LSG1: variants seen among roughly 807,000 people sequenced by gnomAD.
LSG1 encodes large 60S subunit nuclear export GTPase 1.
A neutral mutation model predicts 82.6 loss-of-function variants in LSG1; 55 were observed. The ratio of observed to expected loss-of-function variants is 0.67; its 90% confidence interval spans 0.54 to 0.83. The LOEUF is 0.83. LSG1 is among the 40% of genes least tolerant of loss of function. LSG1 has a pLI of 0.00. For synonymous variants in LSG1, 272 were observed against 282.5 expected (o/e 0.96, Z 0.37); for missense variants, 809 against 807.9 (o/e 1.00, Z -0.02).
chr3:194,657,062 T>C (rs565011398), intron 7 of LSG1, among the ~76,000 whole-genome samples: 33 of 151,894 alleles, frequency 2.2e-4, no homozygotes, highest in Non-Finnish European at 4.3e-4. Context: ...GACAAGTTAA[T>C]GGGTGCAGCA....
chr3:194,659,548 A>G (rs1248644112), intron 6 of LSG1, among the ~76,000 whole-genome samples: 1 of 152,258 alleles, frequency 6.6e-6, no homozygotes, highest in East Asian at 1.9e-4. Context: ...AAAAAGAAAT[A>G]TGAATACCTC....
intron 5 of LSG1, 51 bp from the exon 6 acceptor site, chr3:194,660,184 T>C (rs371949755): frequency 1.8e-5 from 26 of 1,421,382 alleles, no homozygotes; most frequent in Middle Eastern, 1.8e-4. Context: ...AAAGGGATTT[T>C]ACTAACCACA....
chr3:194,645,507 CACACACACACACACACACACACAGACAG>C (rs1577250662), intron 12 of LSG1: 28 of 45,450 alleles, frequency 6.2e-4, no homozygotes, highest in South Asian at 1.6e-3. Context: ...CACACACACA[CACACACACACACACACACACACAGACAG>C]ACACACACAC....
chr3:194,652,192 G>C lies in LSG1; in HGVS notation c.1173+537C>G, dbSNP rs533762114. ...TCTAGAGCCATGTCGTAGCCCCTCG[G>C]GGTTTGCGCACTTCCGCAGCCACTT... On this transcript the variant is annotated intron_variant, in intron 8 of 13. Transcript: ENST00000265245. 7.9e-5 allele frequency among the ~76,000 whole-genome samples: 12 copies of C among 152,276 alleles called. No individual in the cohort carries two copies. The South Asian group carries it at 1.7e-3, about 21-fold the overall frequency.
At chr3:194,653,452 G>A (rs1411195737) in intron 7 of LSG1, among the ~76,000 whole-genome samples, 1 of 151,656 alleles carries the variant, frequency 6.6e-6, no homozygotes, top group African/African-American at 2.4e-5. Context: ...GAGGCGGAGG[G>A]TGCAGTGAGC....
rs143444021 is a variant in LSG1, at chr3:194,659,040, C to T, written c.676G>A (p.Ala226Thr). The change falls in exon 7 of 14, where the codon GCC becomes ACC. Residue 226 changes from alanine (A) to threonine (T), a missense_variant. Coordinates refer to ENST00000265245, the MANE Select transcript of LSG1 (RefSeq NM_018385.3). ...ACATCTTCTTTTTCGAAGTACATGG[C>T]CCAGGCACTCCGCTGCTCAGCAGTC... ...LLTAEQRSAW[A>T]MYFEKEDVKV... The T allele has an allele frequency of 1.8e-4, 291 of 1,614,186 alleles. No individual in the cohort carries two copies. The African/African-American group carries it at 3.7e-3, about 20-fold the overall frequency.
chr3:194,667,099 C>A (rs1236526517), intron 2 of LSG1, among the ~76,000 whole-genome samples: 1 of 151,916 alleles, frequency 6.6e-6, no homozygotes, highest in Non-Finnish European at 1.5e-5. Context: ...GAGTCTCACT[C>A]TGTCACCCAG....
rs1422670798 is a variant in LSG1 at position 194,645,561 on chromosome 3, C to G, written c.1623+603G>C. On this transcript the variant is annotated intron_variant, in intron 12 of 13. Coordinates refer to ENST00000265245, the MANE Select transcript of LSG1 (RefSeq NM_018385.3). ...ACACACACACACACACACACACACA[C>G]ACACACACAGACAGACACACACACA... 4.9e-4 allele frequency among the ~76,000 whole-genome samples: 30 copies of G among 61,458 alleles called. 1 individual carries two copies. Among genetic ancestry groups the G allele is most frequent in the African/African-American group, 1.4e-3 (24 of 16,986 alleles). The allele number at this position is 61,458 out of a possible 152,430, so 40.3% of individuals were successfully genotyped here.
At chr3:194,649,136 G>A (rs997386339) in intron 10 of LSG1, 1 of 248,326 alleles carries the variant, frequency 4.0e-6, no homozygotes, top group African/African-American at 2.3e-5. Context: ...GGGAGTCTCT[G>A]TTTCTAATGC....
chr3:194,647,295 A>G (rs1718574888), intron 11 of LSG1, among the ~76,000 whole-genome samples: 3 of 152,226 alleles, frequency 2.0e-5, no homozygotes. Flanking sequence ...TTGGGGCCAA[A>G]GAAACCATAA....
At chr3:194,669,840 G>A (rs149217869) in intron 2 of LSG1, among the ~76,000 whole-genome samples, 169 bp downstream of exon 2, 60 of 152,262 alleles carry the variant, frequency 3.9e-4, no homozygotes, top group African/African-American at 1.2e-3. Context: ...GCTGAGGCAG[G>A]TGAATTGCTT....
intron 1 of LSG1, chr3:194,671,782 G>C: frequency 2.1e-6 from 1 of 480,844 alleles, no homozygotes; most frequent in South Asian, 2.7e-5. Context: ...GTGGCTTCTA[G>C]GGCAAAACCC....
chr3:194,655,158 T>G (rs1160283266), intron 7 of LSG1, among the ~76,000 whole-genome samples: 1 of 152,194 alleles, frequency 6.6e-6, no homozygotes, highest in Non-Finnish European at 1.5e-5. Flanking sequence ...ATATCTTCCA[T>G]AAACTATACA....
Position 194,670,029 on chromosome 3 carries a change from G to GC in LSG1, c.205dup (p.Ala69GlyfsTer8). 2.5e-6 allele frequency: 4 copies of GC among 1,613,978 alleles called. No individual in the cohort carries two copies. The highest frequency in any genetic ancestry group is 3.4e-6 in the Non-Finnish European group (4 of 1,179,920). Reference sequence around the variant, plus strand: ...CTTACCAGCTACAAACTCTGTTCCTGCAAGTTCTGCAGTAGCAAGGAAGTC... The same window carrying GC: ...CTTACCAGCTACAAACTCTGTTCCTGCCAAGTTCTGCAGTAGCAAGGAAGTC... On this transcript the variant is annotated frameshift_variant, in exon 2 of 14. Coordinates refer to ENST00000265245, the MANE Select transcript of LSG1 (RefSeq NM_018385.3). LOFTEE classifies it high-confidence loss of function.
At chr3:194,655,572 T>C (rs1469550527) in intron 7 of LSG1, among the ~76,000 whole-genome samples, 1 of 152,206 alleles carries the variant, frequency 6.6e-6, no homozygotes, top group Admixed American at 6.5e-5. Context: ...TAGTGGTGTC[T>C]GGTAAAGAAT....
At chr3:194,653,456 A>T (rs1718723436) in intron 7 of LSG1, among the ~76,000 whole-genome samples, 1 of 151,698 alleles carries the variant, frequency 6.6e-6, no homozygotes, top group Non-Finnish European at 1.5e-5. Flanking sequence ...CGGAGGGTGC[A>T]GTGAGCCGAG....
intron 8 of LSG1, 131 bp from the exon 9 acceptor site, chr3:194,651,347 T>A (rs577840622): frequency 9.8e-5 from 65 of 659,976 alleles, no homozygotes; most frequent in Non-Finnish European, 1.6e-4. Context: ...AAATCCATGC[T>A]GTGTTTGTTG....
chr3:194,653,773 C>G (rs188592982), intron 7 of LSG1, among the ~76,000 whole-genome samples: 27 of 152,224 alleles, frequency 1.8e-4, no homozygotes, highest in Non-Finnish European at 3.8e-4. Flanking sequence ...CTACGGCTCA[C>G]GCCTGTAATC....
At chr3:194,671,871 A>G (rs549675840) in intron 1 of LSG1, 193 bp downstream of exon 1, 5 of 634,258 alleles carry the variant, frequency 7.9e-6, no homozygotes, top group Non-Finnish European at 1.4e-5. Flanking sequence ...TCTTCTTTCA[A>G]GCTTCTCCTA....
Sources: gnomAD v4.1 joint callset for allele counts (sites outside exome capture counted in the v4.1 genomes callset) on GRCh38, gnomAD v4.1.1 for gene constraint, MANE v1.5 for transcripts, NCBI Gene and HGNC (gene_info 2026-07-23, HGNC 2026-07-21) for gene names.